The following TXLNG variants were observed in gnomAD, a reference collection of about 807,000 sequenced individuals.
TXLNG encodes the protein gamma-taxilin.
In TXLNG, 5 loss-of-function variants were observed where a neutral mutation model predicts 38.8. That is an observed-to-expected ratio of 0.13 (90% CI 0.07 to 0.27). The LOEUF (loss-of-function observed/expected upper bound fraction) is 0.27. Ranked by LOEUF, TXLNG falls within the 10% of genes least tolerant of loss-of-function variation. The pLI, the probability that TXLNG is intolerant of heterozygous loss-of-function variation, is 1.00. For missense variants in TXLNG, 393 were observed against 398.2 expected (o/e 0.99, Z 0.11); for synonymous variants, 182 against 158.2 (o/e 1.15, Z -1.13).
At chrX:16,840,496 GGGCACAGT>G in intron 9 of TXLNG, 1 of 748,731 alleles carries the variant, frequency 1.3e-6, no homozygotes, top group Non-Finnish European at 1.6e-6. Flanking sequence ...GTTCTCGGCT[GGGCACAGT>G]GGCTCACGCC....
At chrX:16,838,524 G>A (rs1171122577) in intron 8 of TXLNG, among the ~76,000 whole-genome samples, 3 of 112,042 alleles carry the variant, frequency 2.7e-5, no homozygotes, top group African/African-American at 6.5e-5. Flanking sequence ...GTTAAAATTG[G>A]TAACAAAAAC....
intron 1 of TXLNG, among the ~76,000 whole-genome samples, chrX:16,791,289 G>T (rs1304554362): frequency 8.9e-6 from 1 of 111,853 alleles, no homozygotes; most frequent in African/African-American, 3.2e-5. Flanking sequence ...GCAGGAAAAA[G>T]CCATTTCATT....
chrX:16,831,279 A>G (rs1929404255), intron 5 of TXLNG, among the ~76,000 whole-genome samples: 1 of 112,267 alleles, frequency 8.9e-6, no homozygotes, highest in African/African-American at 3.2e-5. Flanking sequence ...CAAAAAATAC[A>G]AAGACTAGCC....
chrX:16,841,063 G>T (rs1433899089), intron 9 of TXLNG, among the ~76,000 whole-genome samples: 1 of 108,842 alleles, frequency 9.2e-6, no homozygotes, highest in South Asian at 4.0e-4. Flanking sequence ...GGCGTGGTGG[G>T]GCGCGCCTGT....
At chrX:16,799,280 C>T (rs756278874) in intron 1 of TXLNG, among the ~76,000 whole-genome samples, 1 of 111,318 alleles carries the variant, frequency 9.0e-6, no homozygotes, top group Admixed American at 9.7e-5. Context: ...CATCATGATT[C>T]TTAGCTTTAG....
intron 1 of TXLNG, among the ~76,000 whole-genome samples, chrX:16,789,269 C>T (rs1927619022): frequency 9.0e-6 from 1 of 110,501 alleles, no homozygotes; most frequent in Non-Finnish European, 1.9e-5. Flanking sequence ...GCGACCTGCT[C>T]AGTTAATTGT....
rs762765666 is a variant in TXLNG at position 16,815,585 on chromosome X, G to C, written c.103-2989G>C. ...CACCCAGGCTGGAGTACAGTGGTGC[G>C]ATCTCAGCTCACTGCAACCTCCGCT... On this transcript the variant is annotated intron_variant, in intron 1 of 9. Transcript: ENST00000380122. Among the ~76,000 whole-genome samples, 314 of 110,114 alleles carry C rather than the reference G, an allele frequency of 2.9e-3. 1 individual carries two copies. Among genetic ancestry groups the C allele is most frequent in the African/African-American group, 0.01 (304 of 30,258 alleles).
At chrX:16,839,744 AAC>A (rs1158904772) in intron 8 of TXLNG, 75 bp from the exon 9 acceptor site, 12 of 742,620 alleles carry the variant, frequency 1.6e-5, no homozygotes, top group Non-Finnish European at 2.4e-5. Context: ...GGGGCACAGA[AAC>A]ATTTTTGTGT....
chrX:16,803,397 C>G (rs1322606949), intron 1 of TXLNG: 2 of 102,974 alleles, frequency 1.9e-5, no homozygotes, highest in Non-Finnish European at 4.0e-5. Context: ...CTCTGTCACC[C>G]AGGCTGGAGT....
chrX:16,832,146 C>T (rs751981269), intron 5 of TXLNG, among the ~76,000 whole-genome samples: 343 of 112,238 alleles, frequency 3.1e-3, no homozygotes, highest in Non-Finnish European at 5.1e-3. Flanking sequence ...CCCAGGGCCA[C>T]ACACTGGCCA....
chrX:16,837,214 T>C (rs1175434783), intron 7 of TXLNG, among the ~76,000 whole-genome samples: 2 of 111,997 alleles, frequency 1.8e-5, no homozygotes, highest in Admixed American at 9.6e-5. Flanking sequence ...AGAGATACCA[T>C]TGCTATCAAA....
intron 3 of TXLNG, among the ~76,000 whole-genome samples, chrX:16,823,712 C>T (rs1929068197): frequency 9.0e-6 from 1 of 111,115 alleles, no homozygotes; most frequent in Non-Finnish European, 1.9e-5. Context: ...ACCCTGTGGC[C>T]AACATGTTCA....
intron 5 of TXLNG, among the ~76,000 whole-genome samples, chrX:16,831,236 C>A (rs539530135): frequency 1.2e-4 from 13 of 111,842 alleles, no homozygotes; most frequent in African/African-American, 4.2e-4. Context: ...GAGTTCGAGA[C>A]CAGCCTGGTA....
intron 2 of TXLNG, 126 bp from the exon 3 acceptor site, chrX:16,820,038 T>C: frequency 3.9e-6 from 2 of 513,208 alleles, no homozygotes; most frequent in Non-Finnish European, 6.3e-6. Flanking sequence ...GTAAATCTCT[T>C]ATTTATAATC....
At chrX:16,793,198 A>G (rs2147458838) in intron 1 of TXLNG, among the ~76,000 whole-genome samples, 1 of 111,094 alleles carries the variant, frequency 9.0e-6, no homozygotes, top group East Asian at 2.8e-4. Flanking sequence ...AGGTAAGGTG[A>G]CCTTTAAGAT....
chrX:16,811,712 G>A (rs1024099906), intron 1 of TXLNG, among the ~76,000 whole-genome samples: 4 of 103,914 alleles, frequency 3.8e-5, no homozygotes, highest in Non-Finnish European at 5.9e-5. Flanking sequence ...TCTCGGCTCA[G>A]TGCAACCTCT....
At chrX:16,792,641 C>T (rs1370804074) in intron 1 of TXLNG, among the ~76,000 whole-genome samples, 1 of 109,562 alleles carries the variant, frequency 9.1e-6, no homozygotes, top group African/African-American at 3.3e-5. Flanking sequence ...CTTAGCTAGG[C>T]ACATTGGTAT....
At chrX:16,786,689 A>G in intron 1 of TXLNG, 100 bp downstream of exon 1, 1 of 393,162 alleles carries the variant, frequency 2.5e-6, no homozygotes, top group Non-Finnish European at 3.4e-6. Flanking sequence ...ACCTATAGCC[A>G]CGGGACGAAC....
chrX:16,834,943 C>T (rs1929538707), intron 7 of TXLNG, among the ~76,000 whole-genome samples: 2 of 109,907 alleles, frequency 1.8e-5, no homozygotes, highest in Non-Finnish European at 1.9e-5. Context: ...GAGTCCGAGG[C>T]GGCAGGATCG....
Sources: gnomAD v4.1 joint callset for allele counts (sites outside exome capture counted in the v4.1 genomes callset) on GRCh38, gnomAD v4.1.1 for gene constraint, MANE v1.5 for transcripts, NCBI Gene and HGNC (gene_info 2026-07-23, HGNC 2026-07-21) for gene names.